Variants in COL4A1 observed in about 807,000 individuals in gnomAD.
COL4A1 encodes the protein collagen type IV alpha 1 chain, also known as collagen alpha-1(IV) chain.
Under a neutral mutation model 216.6 loss-of-function variants are expected in COL4A1, and 40 were observed. That is an observed-to-expected ratio of 0.18 (90% CI 0.14 to 0.24). The LOEUF is 0.24. Among genes scored for constraint, COL4A1 ranks in the 10% least tolerant of loss-of-function variants. COL4A1 has a pLI of 1.00. For synonymous variants in COL4A1, 839 were observed against 810.7 expected (o/e 1.03, Z -0.59); for missense variants, 1,628 against 2,196.8 (o/e 0.74, Z 5.18).
At chr13:110,294,438 T>C (rs951554535) in intron 1 of COL4A1, among the ~76,000 whole-genome samples, 1 of 152,250 alleles carries the variant, frequency 6.6e-6, no homozygotes, top group Non-Finnish European at 1.5e-5. Flanking sequence ...CATTCCTCCA[T>C]CTGGTATTTC....
chr13:110,160,380 T>A (rs1469397106), intron 49 of COL4A1, among the ~76,000 whole-genome samples: 2 of 119,180 alleles, frequency 1.7e-5, no homozygotes, highest in African/African-American at 7.3e-5. Flanking sequence ...GAAGCGGAGC[T>A]TGCAGTGAGC....
chr13:110,150,299 G>A lies in COL4A1; in HGVS notation c.*64C>T, dbSNP rs562272486. 30 of 1,455,378 alleles carry A rather than the reference G, an allele frequency of 2.1e-5. No homozygotes were observed. The highest frequency in any genetic ancestry group is 2.4e-5 in the East Asian group (1 of 42,250). 90.2% of individuals were successfully genotyped at this position (1,455,378 alleles called of 1,614,324 possible). The stretch of plus-strand genomic sequence containing the variant: ...TACACAGGATATATTTCTAGGGTTC[G>A]TTGCTGTTAACAAAAAGAAGAAGAA... On this transcript the variant is annotated 3_prime_UTR_variant, in exon 52 of 52. Coordinates refer to ENST00000375820, the MANE Select transcript of COL4A1 (RefSeq NM_001845.6).
intron 5 of COL4A1, 22 bp from the exon 6 acceptor site, chr13:110,212,501 T>C: frequency 6.2e-7 from 1 of 1,614,178 alleles, no homozygotes; most frequent in Non-Finnish European, 8.5e-7. Flanking sequence ...AAAGTGAAAA[T>C]GTAACCCAGG....
intron 26 of COL4A1, among the ~76,000 whole-genome samples, chr13:110,185,467 GT>G (rs1180337803): frequency 6.6e-6 from 1 of 152,178 alleles, no homozygotes; most frequent in African/African-American, 2.4e-5. Context: ...AAATAACTAT[GT>G]TTTTTAAGGT....
In COL4A1 at chr13:110,173,939, C is replaced by T. The variant is rs1376242131; in HGVS notation, c.3466G>A (p.Asp1156Asn). Residue 1156 changes from aspartate (D) to asparagine (N), a missense_variant, in exon 40 of 52, where the codon GAT becomes AAT. By Grantham distance (23) the Asp-to-Asn change is conservative (BLOSUM62 1). Around this residue, in one of 8 missense-constraint regions of COL4A1, gnomAD observed 345 missense variants for 476.9 expected, o/e 0.72. Coordinates refer to ENST00000375820, the MANE Select transcript of COL4A1 (RefSeq NM_001845.6). Reference sequence around the variant, plus strand: ...TCTCCTGCTGACCCCGGGATTCCATCACTGCCTGGCTCCCCTTTCTGGCCA... The same window carrying T: ...TCTCCTGCTGACCCCGGGATTCCATTACTGCCTGGCTCCCCTTTCTGGCCA... ...PAGQKGEPGS[D>N]GIPGSAGEKG... The T allele has an allele frequency of 6.2e-7, 1 of 1,614,226 alleles. No individual in the cohort carries two copies. Among genetic ancestry groups the T allele is most frequent in the Non-Finnish European group, 8.5e-7 (1 of 1,180,046 alleles).
At chr13:110,213,274 A>G (rs1022326178) in intron 4 of COL4A1, among the ~76,000 whole-genome samples, 4 of 152,220 alleles carry the variant, frequency 2.6e-5, no homozygotes, top group Admixed American at 6.5e-5. Flanking sequence ...GAAATAAAAA[A>G]AAACAAAAAA....
intron 2 of COL4A1, among the ~76,000 whole-genome samples, chr13:110,222,557 A>G (rs538592348): frequency 5.1e-5 from 7 of 137,000 alleles, no homozygotes; most frequent in Non-Finnish European, 1.2e-4. Context: ...GTGGATCACG[A>G]GGTCAGGAGA....
intron 29 of COL4A1, among the ~76,000 whole-genome samples, chr13:110,180,874 T>C (rs1179093075): frequency 3.3e-5 from 5 of 152,158 alleles, no homozygotes; most frequent in Admixed American, 6.5e-5. Context: ...AGGCACAGGG[T>C]GGCCCCCCAC....
intron 15 of COL4A1, 64 bp downstream of exon 15, chr13:110,206,601 A>G: frequency 6.4e-7 from 1 of 1,552,776 alleles, no homozygotes; most frequent in Non-Finnish European, 8.9e-7. Context: ...GTTTCTGTGA[A>G]TCTGCGATTT....
intron 4 of COL4A1, 124 bp from the exon 5 acceptor site, chr13:110,212,742 C>G: frequency 1.8e-6 from 2 of 1,124,612 alleles, no homozygotes; most frequent in Admixed American, 3.8e-5. Flanking sequence ...ACAAAGCAGA[C>G]AGAGCACTCT....
In COL4A1 at chr13:110,162,199, G is replaced by C. The variant is rs761297535; in HGVS notation, c.4462+31C>G. ...CGAAGGCACTCAACACACCTACACT[G>C]AATGAATGCATGGATCTGCAGGCTT... is the stretch of plus-strand genomic sequence containing the variant. On this transcript the variant is annotated intron_variant, in intron 48 of 51. Transcript: ENST00000375820. The C allele has an allele frequency of 1.4e-5, 23 of 1,590,756 alleles. No individual in the cohort carries two copies. The East Asian group carries it at 5.1e-4, about 36-fold the overall frequency.
intron 18 of COL4A1, 38 bp from the exon 19 acceptor site, chr13:110,201,560 G>T: frequency 1.3e-6 from 2 of 1,548,964 alleles, no homozygotes; most frequent in Non-Finnish European, 1.8e-6. Context: ...CCCGTGGCAT[G>T]GGAATGGCTA....
chr13:110,189,583 G>C (rs553251251), intron 24 of COL4A1, among the ~76,000 whole-genome samples: 1 of 152,282 alleles, frequency 6.6e-6, no homozygotes, highest in East Asian at 1.9e-4. Context: ...CTGGGTCCCA[G>C]GAAAGGCAAC....
intron 49 of COL4A1, among the ~76,000 whole-genome samples, chr13:110,158,623 C>G (rs1190768798): frequency 6.6e-6 from 1 of 151,618 alleles, no homozygotes; most frequent in Admixed American, 6.6e-5. Context: ...AACTTTGTAT[C>G]TTTTTTTATC....
At chr13:110,289,848 G>C (rs1244390050) in intron 1 of COL4A1, among the ~76,000 whole-genome samples, 1 of 152,158 alleles carries the variant, frequency 6.6e-6, no homozygotes, top group African/African-American at 2.4e-5. Context: ...TTCTTCCTCT[G>C]TCTTCCAACA....
intron 1 of COL4A1, among the ~76,000 whole-genome samples, chr13:110,280,381 A>C (rs2139299421): frequency 6.6e-6 from 1 of 152,370 alleles, no homozygotes; most frequent in Non-Finnish European, 1.5e-5. Flanking sequence ...TGCCTTTAGG[A>C]GTTCCCTCAA....
chr13:110,155,428 C>G, intron 49 of COL4A1, 31 bp from the exon 50 acceptor site: 1 of 1,562,888 alleles, frequency 6.4e-7, no homozygotes, highest in Non-Finnish European at 8.8e-7. Flanking sequence ...CTCAGCACAG[C>G]CGGGGTGCAG....
chr13:110,173,238 T>C (rs1028146558), intron 40 of COL4A1, among the ~76,000 whole-genome samples: 20 of 151,500 alleles, frequency 1.3e-4, no homozygotes, highest in Non-Finnish European at 4.4e-5. Context: ...GAATTGTTTG[T>C]ATAGAAAAAC....
chr13:110,228,244 G>T (rs1031366006), intron 2 of COL4A1, among the ~76,000 whole-genome samples: 3 of 148,988 alleles, frequency 2.0e-5, no homozygotes, highest in African/African-American at 7.3e-5. Context: ...GGGCGGGGGG[G>T]GGGTCTACAT....
Sources: allele counts gnomAD v4.1 joint callset (sites outside exome capture counted in the v4.1 genomes callset), GRCh38; gene constraint gnomAD v4.1.1; regional missense constraint gnomAD v4.1.1; transcripts MANE v1.5; gene names NCBI Gene and HGNC (gene_info 2026-07-23, HGNC 2026-07-21).